VDAC1: variants seen among roughly 807,000 people sequenced by gnomAD.
The protein encoded by VDAC1 is non-selective voltage-gated ion channel VDAC1.
VDAC1 carries 10 observed loss-of-function variants against 34.7 expected under a neutral mutation model. That is an observed-to-expected ratio of 0.29 (90% confidence interval 0.18 to 0.49). VDAC1 has a LOEUF of 0.49. VDAC1 is among the 20% of genes least tolerant of loss of function. The pLI is 0.99. For missense variants in VDAC1, 230 were observed against 347.9 expected, an observed-to-expected ratio of 0.66 and a Z score of 2.69; for synonymous variants, 130 against 136.0, an observed-to-expected ratio of 0.96 and a Z score of 0.30.
At chr5:134,010,983 GT>G in the VDAC1 span, among the ~76,000 whole-genome samples, 1 of 105,652 alleles carries the variant, frequency 9.5e-6, no homozygotes, top group African/African-American at 3.5e-5. Context: ...TTTTTTTTTT[GT>G]AGGGGCACTT....
chr5:134,099,615 C>T, the VDAC1 span, among the ~76,000 whole-genome samples: 1 of 152,218 alleles, frequency 6.6e-6, no homozygotes, highest in East Asian at 1.9e-4. Flanking sequence ...GGATCTTGCT[C>T]TGTCACCCAG....
At chr5:134,077,969 T>C in the VDAC1 span, among the ~76,000 whole-genome samples, 2 of 152,220 alleles carry the variant, frequency 1.3e-5, no homozygotes, top group Non-Finnish European at 2.9e-5. Flanking sequence ...CACAGGACTT[T>C]TTCCTTATTA....
At chr5:133,989,429 A>G (rs1224556424) in intron 5 of VDAC1, among the ~76,000 whole-genome samples, 1 of 150,606 alleles carries the variant, frequency 6.6e-6, no homozygotes, top group African/African-American at 2.5e-5. Flanking sequence ...GTGCGATCTC[A>G]GCTCACTGCA....
chr5:134,085,777 A>G, the VDAC1 span, among the ~76,000 whole-genome samples: 1 of 146,218 alleles, frequency 6.8e-6, no homozygotes, highest in Non-Finnish European at 1.5e-5. Flanking sequence ...GTATGGTGGC[A>G]CATACCTATA....
the VDAC1 span, among the ~76,000 whole-genome samples, chr5:134,040,507 A>G: frequency 6.6e-6 from 1 of 152,054 alleles, no homozygotes; most frequent in South Asian, 2.1e-4. Flanking sequence ...CCCGGGAGGC[A>G]GAGGTTGCAG....
the VDAC1 span, among the ~76,000 whole-genome samples, chr5:134,044,660 TGTGC>T: frequency 3.9e-5 from 6 of 152,116 alleles, no homozygotes; most frequent in Admixed American, 3.9e-4. Context: ...TGTGTGTGTG[TGTGC>T]GCGCGCGCAC....
rs746714368 is a variant in VDAC1 at position 133,972,313 on chromosome 5, G to A, written c.*458C>T. ...TGTAAAAGAGATGATGATGAACTGG[G>A]GTGGGAACAGGTCATGAAGATCTGT... On this transcript the variant is annotated 3_prime_UTR_variant, in exon 9 of 9. Transcript: ENST00000265333. 3 of 295,950 alleles carry A rather than the reference G, an allele frequency of 1.0e-5. No individual in the cohort carries two copies. Among genetic ancestry groups the A allele is most frequent in the Non-Finnish European group, 1.9e-5 (3 of 161,912 alleles). 18.3% of individuals were successfully genotyped at this position (295,950 alleles called of 1,614,324 possible).
At chr5:134,000,540 C>A (rs1467784467) in intron 1 of VDAC1, among the ~76,000 whole-genome samples, 1 of 152,190 alleles carries the variant, frequency 6.6e-6, no homozygotes. Flanking sequence ...TGGAGCCTCA[C>A]TGCTTGGCTT....
the VDAC1 span, among the ~76,000 whole-genome samples, chr5:134,052,637 T>TA: frequency 6.6e-6 from 1 of 152,164 alleles, no homozygotes; most frequent in Non-Finnish European, 1.5e-5. Context: ...TGTCTTTTGT[T>TA]ATGGGTCCCT....
the VDAC1 span, among the ~76,000 whole-genome samples, chr5:134,060,552 C>T: frequency 6.6e-6 from 1 of 151,730 alleles, no homozygotes; most frequent in Non-Finnish European, 1.5e-5. Flanking sequence ...TTGAAAAGTA[C>T]AGAAAATAAT....
the VDAC1 span, among the ~76,000 whole-genome samples, chr5:134,085,080 T>TCTTTTC: frequency 7.3e-6 from 1 of 136,244 alleles, no homozygotes; most frequent in African/African-American, 2.7e-5. Context: ...TCTTTTCTTT[T>TCTTTTC]TTTTTTGAGA....
chr5:134,081,581 T>C, the VDAC1 span, among the ~76,000 whole-genome samples: 1 of 152,232 alleles, frequency 6.6e-6, no homozygotes, highest in South Asian at 2.1e-4. Context: ...TATACAAAAC[T>C]CATCAATTTT....
At chr5:133,980,586 T>C (rs1752649818) in intron 6 of VDAC1, 143 bp downstream of exon 6, 11 of 714,164 alleles carry the variant, frequency 1.5e-5, no homozygotes, top group Non-Finnish European at 2.3e-5. Flanking sequence ...ATGTGGCTCA[T>C]CTAATGCCAA....
At chr5:134,082,259 GCTTT>G in the VDAC1 span, among the ~76,000 whole-genome samples, 1 of 152,148 alleles carries the variant, frequency 6.6e-6, no homozygotes, top group African/African-American at 2.4e-5. Flanking sequence ...CCACTGATCT[GCTTT>G]CTGTCAATAT....
chr5:134,076,368 C>T, the VDAC1 span, among the ~76,000 whole-genome samples: 1 of 152,240 alleles, frequency 6.6e-6, no homozygotes, highest in Admixed American at 6.5e-5. Context: ...CCCAGACTCA[C>T]AGGTCACTTT....
At chr5:134,105,320 C>T in the VDAC1 span, among the ~76,000 whole-genome samples, 1 of 152,196 alleles carries the variant, frequency 6.6e-6, no homozygotes. Context: ...ACAGGGCGAG[C>T]TCTCTGTAGG....
the VDAC1 span, among the ~76,000 whole-genome samples, chr5:134,081,627 T>C: frequency 6.6e-6 from 1 of 152,204 alleles, no homozygotes; most frequent in African/African-American, 2.4e-5. Context: ...CCCAAATAAA[T>C]AAGAGACTAC....
At chr5:134,058,175 A>G in the VDAC1 span, among the ~76,000 whole-genome samples, 1 of 152,196 alleles carries the variant, frequency 6.6e-6, no homozygotes, top group African/African-American at 2.4e-5. Flanking sequence ...AGTGTGAGCC[A>G]CCACGCCCAG....
chr5:134,015,675 C>T, the VDAC1 span, among the ~76,000 whole-genome samples: 52 of 151,772 alleles, frequency 3.4e-4, no homozygotes, highest in African/African-American at 1.2e-3. Flanking sequence ...GACGGAGTCT[C>T]GCTCTGTCAC....
Sources: allele counts gnomAD v4.1 joint callset (sites outside exome capture counted in the v4.1 genomes callset), GRCh38; gene constraint gnomAD v4.1.1; transcripts MANE v1.5; gene names NCBI Gene and HGNC (gene_info 2026-07-23, HGNC 2026-07-21).